The following TMEM132D variants were observed in gnomAD, a reference collection of about 807,000 sequenced individuals.
The protein encoded by TMEM132D is mature OL transmembrane protein.
Under a neutral mutation model 62.3 loss-of-function variants are expected in TMEM132D, and 21 were observed. The observed-to-expected ratio is 0.34, with a 90% CI of 0.24 to 0.49. The LOEUF is 0.49. Among genes scored for constraint, TMEM132D ranks in the 20% least tolerant of loss-of-function variants. TMEM132D has a pLI of 0.99. For missense variants in TMEM132D, 1,346 were observed against 1,402.8 expected (o/e 0.96, Z 0.65); for synonymous variants, 621 against 575.6 (o/e 1.08, Z -1.13).
chr12:129,552,244 G>A (rs118140450), intron 2 of TMEM132D, among the ~76,000 whole-genome samples: 1 of 105,290 alleles, frequency 9.5e-6, no homozygotes, highest in East Asian at 3.2e-4. Context: ...CTTTGTAACT[G>A]TTTTCTTCCA....
At chr12:129,550,421 G>C (rs141517661) in intron 2 of TMEM132D, among the ~76,000 whole-genome samples, 1 of 151,996 alleles carries the variant, frequency 6.6e-6, no homozygotes, top group African/African-American at 2.4e-5. Context: ...TCTTTCTTCC[G>C]TATTTCCCAG....
intron 3 of TMEM132D, among the ~76,000 whole-genome samples, chr12:129,503,668 G>A (rs1875231047): frequency 6.6e-6 from 1 of 152,024 alleles, no homozygotes; most frequent in African/African-American, 2.4e-5. Flanking sequence ...TAATCTAGAA[G>A]GTTAACTTTT....
At chr12:129,345,367 A>G (rs1476021149) in intron 3 of TMEM132D, among the ~76,000 whole-genome samples, 2 of 152,140 alleles carry the variant, frequency 1.3e-5, no homozygotes, top group African/African-American at 4.8e-5. Context: ...TTTCAGCATC[A>G]CCTGCTTCCT....
chr12:129,391,948 G>C (rs1164375474), intron 3 of TMEM132D, among the ~76,000 whole-genome samples: 1 of 151,938 alleles, frequency 6.6e-6, no homozygotes, highest in East Asian at 1.9e-4. Context: ...GTAGAGACAG[G>C]GTTTCACCAT....
chr12:129,581,515 T>A (rs576385363), intron 2 of TMEM132D, among the ~76,000 whole-genome samples: 14 of 152,334 alleles, frequency 9.2e-5, no homozygotes, highest in African/African-American at 3.4e-4. Flanking sequence ...GCCAAAGGCC[T>A]GAGAGCCCCT....
At chr12:129,139,512 A>T (rs1031026504) in intron 5 of TMEM132D, among the ~76,000 whole-genome samples, 13 of 152,164 alleles carry the variant, frequency 8.5e-5, no homozygotes, top group African/African-American at 2.9e-4. Flanking sequence ...AGAGAAAGGG[A>T]TCTTTTTACC....
intron 3 of TMEM132D, among the ~76,000 whole-genome samples, chr12:129,494,314 G>A (rs1345446096): frequency 6.6e-6 from 1 of 152,178 alleles, no homozygotes; most frequent in Non-Finnish European, 1.5e-5. Flanking sequence ...AGAGGACTTA[G>A]ATATGCCTAA....
At chr12:129,783,910 T>G (rs942896994) in intron 1 of TMEM132D, among the ~76,000 whole-genome samples, 1 of 152,238 alleles carries the variant, frequency 6.6e-6, no homozygotes, top group African/African-American at 2.4e-5. Context: ...CACACCATTC[T>G]AAACGATCAT....
intron 5 of TMEM132D, among the ~76,000 whole-genome samples, chr12:129,204,268 T>C (rs960937483): frequency 6.6e-6 from 1 of 152,004 alleles, no homozygotes; most frequent in African/African-American, 2.4e-5. Context: ...AAACCCAATC[T>C]AAGGAAATTA....
At chr12:129,693,252 A>C (rs1881107723) in intron 2 of TMEM132D, among the ~76,000 whole-genome samples, 1 of 152,242 alleles carries the variant, frequency 6.6e-6, no homozygotes, top group Admixed American at 6.5e-5. Context: ...CTCAATAGCC[A>C]GAGTGGGAAA....
At chr12:129,725,649 A>T (rs1562937) in intron 1 of TMEM132D, among the ~76,000 whole-genome samples, 124,237 of 152,246 alleles carry the variant, frequency 0.82, 51,387 homozygotes, top group Non-Finnish European at 0.9. Context: ...ATATGTATAA[A>T]CACATGCACA....
At chr12:129,791,666 T>A (rs1871403818) in intron 1 of TMEM132D, among the ~76,000 whole-genome samples, 1 of 152,090 alleles carries the variant, frequency 6.6e-6, no homozygotes, top group South Asian at 2.1e-4. Flanking sequence ...ACCCCCCCAG[T>A]CACCAATCCG....
chr12:129,839,164 C>A (rs1424288342), intron 1 of TMEM132D, among the ~76,000 whole-genome samples: 1 of 74,874 alleles, frequency 1.3e-5, no homozygotes, highest in Non-Finnish European at 2.6e-5. Flanking sequence ...TGGAATCTCG[C>A]ACTGTCGCCT....
intron 5 of TMEM132D, among the ~76,000 whole-genome samples, chr12:129,151,224 A>G (rs1593277847): frequency 6.6e-6 from 1 of 152,170 alleles, no homozygotes; most frequent in East Asian, 1.9e-4. Context: ...AGCGATCCAG[A>G]GGTGTTAATA....
intron 1 of TMEM132D, among the ~76,000 whole-genome samples, chr12:129,725,244 T>C (rs1206976700): frequency 6.6e-6 from 1 of 152,246 alleles, no homozygotes; most frequent in East Asian, 1.9e-4. Context: ...AAAAAGTCAA[T>C]TTAAGGAAAC....
chr12:129,616,568 C>A (rs184288201), intron 2 of TMEM132D, among the ~76,000 whole-genome samples: 1 of 152,150 alleles, frequency 6.6e-6, no homozygotes, highest in Non-Finnish European at 1.5e-5. Context: ...AGGGTGGTTA[C>A]CCCCATGCTG....
intron 4 of TMEM132D, among the ~76,000 whole-genome samples, chr12:129,251,922 A>G: frequency 6.6e-6 from 1 of 152,110 alleles, no homozygotes; most frequent in East Asian, 1.9e-4. Flanking sequence ...GGTGGAAGGA[A>G]CCTAGGCTCT....
At chr12:129,361,030 G>A (rs1482414779) in intron 3 of TMEM132D, among the ~76,000 whole-genome samples, 2 of 152,110 alleles carry the variant, frequency 1.3e-5, no homozygotes, top group Non-Finnish European at 2.9e-5. Flanking sequence ...GGGGTGCACC[G>A]GGACACTTCC....
chr12:129,506,880 C>T (rs1269256183), intron 3 of TMEM132D, among the ~76,000 whole-genome samples: 1 of 152,090 alleles, frequency 6.6e-6, no homozygotes, highest in African/African-American at 2.4e-5. Context: ...AAACTAAAGG[C>T]TTTTGCACAG....
Sources: allele counts gnomAD v4.1 joint callset (sites outside exome capture counted in the v4.1 genomes callset), GRCh38; gene constraint gnomAD v4.1.1; transcripts MANE v1.5; gene names NCBI Gene and HGNC (gene_info 2026-07-23, HGNC 2026-07-21).